Variants in ERI2 observed in about 807,000 individuals in gnomAD.
ERI2 encodes ERI1 exoribonuclease family member 2.
In ERI2, 35 loss-of-function variants were observed where a neutral mutation model predicts 46.8. That is an observed-to-expected ratio of 0.75 (90% CI 0.57 to 0.99). ERI2 has a LOEUF of 0.99. Among genes scored for constraint, ERI2 ranks in the 50% least tolerant of loss-of-function variants. ERI2 has a pLI of 0.00. For synonymous variants in ERI2, 224 were observed against 271.0 expected (o/e 0.83, Z 1.70); for missense variants, 695 against 796.2 (o/e 0.87, Z 1.53).
At chr16:20,780,877 C>A in intron 10 of ERI2, 1 of 1,613,900 alleles carries the variant, frequency 6.2e-7, no homozygotes. Flanking sequence ...CACAAAAGTG[C>A]AGCTTGAAGT....
chr16:20,803,439 CCTGG>C lies in ERI2; in HGVS notation c.165_168del (p.Ser55ArgfsTer3). 6.2e-7 allele frequency: 1 copy of C among 1,613,388 alleles called. No individual in the cohort carries two copies. Among genetic ancestry groups the C allele is most frequent in the Non-Finnish European group, 8.5e-7 (1 of 1,179,500 alleles). On this transcript the variant is annotated frameshift_variant, in exon 3 of 9. Coordinates refer to ENST00000357967, the MANE Select transcript of ERI2 (RefSeq NM_001142725.2). LOFTEE classifies it high-confidence loss of function. ...ATTCGTAGCCCAGACTTACTTATTT[CCTGG>C]CTATGGTGGTGCTTCCCATCATTCC...
chr16:20,806,333 C>T, intron 1 of ERI2, 75 bp downstream of exon 1: 1 of 1,537,062 alleles, frequency 6.5e-7, no homozygotes, highest in Non-Finnish European at 8.8e-7. Flanking sequence ...TGCCACCTGC[C>T]GTGCCCTGCT....
chr16:20,801,076 AT>A, intron 5 of ERI2, 126 bp downstream of exon 5: 33 of 844,290 alleles, frequency 3.9e-5, no homozygotes, highest in South Asian at 1.5e-4. Flanking sequence ...AGGCATTTAA[AT>A]TTTTTTTCCT....
intron 10 of ERI2, chr16:20,781,809 G>C: frequency 6.5e-7 from 1 of 1,540,448 alleles, no homozygotes; most frequent in African/African-American, 1.4e-5. Flanking sequence ...TAGTAAATAG[G>C]CATCTAGTGG....
chr16:20,783,623 A>G (rs1444133385), intron 10 of ERI2: 2 of 152,148 alleles, frequency 1.3e-5, no homozygotes, highest in Non-Finnish European at 2.9e-5. Flanking sequence ...TTATTTAATT[A>G]TCGAATAGGA....
chr16:20,787,714 CAA>C (rs1430576031), intron 10 of ERI2, among the ~76,000 whole-genome samples: 2 of 152,212 alleles, frequency 1.3e-5, no homozygotes, highest in Non-Finnish European at 2.9e-5. Context: ...AACCTGGTCT[CAA>C]GATAGGATAG....
chr16:20,791,801 G>A (rs1440964072), downstream of ERI2, among the ~76,000 whole-genome samples: 1 of 152,032 alleles, frequency 6.6e-6, no homozygotes, highest in Non-Finnish European at 1.5e-5. Flanking sequence ...GGTGGTGCAC[G>A]TCTATAGTCC....
intron 10 of ERI2, chr16:20,781,091 A>G (rs1328299788): frequency 6.2e-7 from 1 of 1,614,154 alleles, no homozygotes; most frequent in East Asian, 2.2e-5. Context: ...GTGTATTCAC[A>G]CACCATTTAC....
Position 20,787,775 on chromosome 16 carries a change from G to C in ERI2, c.894+1704C>G, listed in dbSNP as rs142229433. Among the ~76,000 whole-genome samples, 816 of 152,244 alleles carry C rather than the reference G, an allele frequency of 5.4e-3. 9 individuals carry two copies. The highest frequency in any genetic ancestry group is 0.019 in the African/African-American group (774 of 41,530). ...GCTATTCACTGTCTGAGTGTCTGTG[G>C]GTACACTGTTAAAGCTCTGTAAGTT... is the stretch of plus-strand genomic sequence containing the variant. On this transcript the variant is annotated intron_variant, in intron 10 of 10. Transcript: ENST00000300005.
At chr16:20,786,280 T>C (rs375632063) in intron 10 of ERI2, 9 of 1,434,150 alleles carry the variant, frequency 6.3e-6, no homozygotes, top group South Asian at 3.0e-5. Flanking sequence ...TCCATGATAC[T>C]TTAATTTTTA....
chr16:20,782,299 A>G (rs557982333), intron 10 of ERI2, among the ~76,000 whole-genome samples: 1 of 152,178 alleles, frequency 6.6e-6, no homozygotes, highest in East Asian at 1.9e-4. Flanking sequence ...GGTTACATGA[A>G]TAAGTTCTTT....
chr16:20,802,791 C>A lies in ERI2; in HGVS notation c.303+5G>T. On this transcript the variant is annotated splice_donor_5th_base_variant and intron_variant, in intron 4 of 8. Coordinates refer to ENST00000357967, the MANE Select transcript of ERI2 (RefSeq NM_001142725.2). ...GACTTCTGAATTTTAAGATTTGCAT[C>A]ATACCTGCTTTATGCCTGTCAATTC... The A allele has an allele frequency of 6.3e-7, 1 of 1,585,640 alleles. No individual in the cohort carries two copies. Among genetic ancestry groups the A allele is most frequent in the South Asian group, 1.1e-5 (1 of 87,870 alleles).
intron 10 of ERI2, chr16:20,780,908 G>A (rs775380862): frequency 5.6e-6 from 9 of 1,613,378 alleles, no homozygotes; most frequent in Non-Finnish European, 7.6e-6. Context: ...CAAAGATGAT[G>A]ACTTATGTAC....
intron 4 of ERI2, among the ~76,000 whole-genome samples, chr16:20,802,063 G>T (rs2080801797): frequency 6.7e-6 from 1 of 149,258 alleles, no homozygotes; most frequent in South Asian, 2.2e-4. Flanking sequence ...TTTAAATCGA[G>T]TCCTGAGGTG....
At chr16:20,784,073 T>C (rs1396837972) in intron 10 of ERI2, among the ~76,000 whole-genome samples, 1 of 152,174 alleles carries the variant, frequency 6.6e-6, no homozygotes, top group Non-Finnish European at 1.5e-5. Context: ...CCCAAAGTGC[T>C]GGGATTACAG....
rs907496217 is a variant in ERI2, at chr16:20,790,464, C to A, written c.815+386G>T. The stretch of plus-strand genomic sequence containing the variant: ...AAAGTGAGACCTTGTCTCACACACA[C>A]AAAATTTTTTTTAAGTCTTCATTTT... On this transcript the variant is annotated intron_variant, in intron 9 of 10. Coordinates refer to the ERI2 transcript ENST00000300005. The surrounding 1 kb of genome is among the most constrained non-coding windows in gnomAD (Gnocchi z 4.0). 15 of 926,502 alleles carry A rather than the reference C, an allele frequency of 1.6e-5. No homozygotes were observed. The highest frequency in any genetic ancestry group is 3.4e-5 in the South Asian group (2 of 59,650). The allele number at this position is 926,502 out of a possible 1,614,324, so 57.4% of individuals were successfully genotyped here.
At chr16:20,786,188 T>A (rs2080471380) in intron 10 of ERI2, 1 of 1,607,062 alleles carries the variant, frequency 6.2e-7, no homozygotes. Flanking sequence ...GGAGAATGTT[T>A]AACAACCCAA....
rs564108348 is a variant in ERI2 at position 20,781,012 on chromosome 16, A to C, written c.895-278T>G. ...TTGACACCCTCAGATGTGATGTGGA[A>C]TACCTCAGATACGGGCTGGGCAAAG... On this transcript the variant is annotated intron_variant, in intron 10 of 10. Coordinates refer to the ERI2 transcript ENST00000300005. 2.5e-6 allele frequency: 4 copies of C among 1,614,192 alleles called. No individual in the cohort carries two copies. In the African/African-American group the frequency reaches 4.0e-5, roughly 16 times the overall value.
At position 20,806,401 on chromosome 16, in the gene ERI2, C is replaced by G. The variant is rs900802961; in HGVS notation, c.23+7G>C. The G allele has an allele frequency of 5.8e-6, 9 of 1,550,778 alleles. No individual in the cohort carries two copies. The highest frequency in any genetic ancestry group is 7.8e-6 in the Non-Finnish European group (9 of 1,147,308). On this transcript the variant is annotated splice_region_variant and intron_variant, in intron 1 of 8. Coordinates refer to ENST00000357967, the MANE Select transcript of ERI2 (RefSeq NM_001142725.2). Reference sequence around the variant, plus strand: ...ACCCGCCCCCGACCCGGAACTCCCTCGAGTACCGCGCGAGCCGCTTGGTCG... The same window carrying G: ...ACCCGCCCCCGACCCGGAACTCCCTGGAGTACCGCGCGAGCCGCTTGGTCG...
Sources: allele counts gnomAD v4.1 joint callset (sites outside exome capture counted in the v4.1 genomes callset), GRCh38; gene constraint gnomAD v4.1.1; non-coding constraint Gnocchi (gnomAD v3.1); transcripts MANE v1.5; gene names NCBI Gene and HGNC (gene_info 2026-07-23, HGNC 2026-07-21).